ZNF433: variants seen among roughly 807,000 people sequenced by gnomAD.
The protein encoded by ZNF433 is zinc finger protein 433.
In ZNF433, 12 loss-of-function variants were observed where a neutral mutation model predicts 10.6. The observed-to-expected ratio is 1.13, with a 90% CI of 0.72 to 1.83. The LOEUF (loss-of-function observed/expected upper bound fraction) is 1.83, where lower values mean the gene tolerates loss of function less well. Among genes scored for constraint, ZNF433 ranks in the 40% most tolerant of loss-of-function variants. The pLI is 0.00. For synonymous variants in ZNF433, 272 were observed against 271.3 expected, an observed-to-expected ratio of 1.00 and a Z score of -0.02; for missense variants, 737 against 798.0, an observed-to-expected ratio of 0.92 and a Z score of 0.92.
At chr19:12,022,132 G>T in intron 1 of ZNF433, 1 of 422,786 alleles carries the variant, frequency 2.4e-6, no homozygotes, top group East Asian at 7.3e-5. Flanking sequence ...TTGGTTTACC[G>T]GAATGAAGGC....
Position 12,016,379 on chromosome 19 carries a change from GC to G in ZNF433, c.478del (p.Ala160LeufsTer28). 6.2e-7 allele frequency: 1 copy of G among 1,614,142 alleles called. No homozygotes were observed. The highest frequency in any genetic ancestry group is 8.5e-7 in the Non-Finnish European group (1 of 1,180,024). On this transcript the variant is annotated frameshift_variant, in exon 4 of 4. Coordinates refer to ENST00000550507, the MANE Select transcript of ZNF433 (RefSeq NM_001308348.2). LOFTEE classifies it low-confidence loss of function (END_TRUNC). The part of the protein sequence containing the change: ...CLSSVQTHER[A>X]HSGRKLYVCE... ...AACATAGAGTTTCCTTCCACTATGAGCCCTTTCATGTGTCTGAACAGAGGAG... is the reference window on the plus strand; with the variant it reads ...AACATAGAGTTTCCTTCCACTATGAGCCTTTCATGTGTCTGAACAGAGGAG...
In ZNF433 at chr19:12,016,373, C is replaced by T. The variant is rs771437839; in HGVS notation, c.485G>A (p.Ser162Asn). The T allele has an allele frequency of 4.3e-6, 7 of 1,614,156 alleles. No homozygotes were observed. The South Asian group carries it at 7.7e-5, about 18-fold the overall frequency. Reference protein sequence around the residue: ...SSVQTHERAHSGRKLYVCEEC... With the variant: ...SSVQTHERAHNGRKLYVCEEC... ...CTCACAAACATAGAGTTTCCTTCCA[C>T]TATGAGCCCTTTCATGTGTCTGAAC... is the stretch of plus-strand genomic sequence containing the variant. The change falls in exon 4 of 4, where the codon AGT (serine) becomes AAT (asparagine). Residue 162 changes from serine (S) to asparagine (N), a missense_variant. Coordinates refer to ENST00000550507, the MANE Select transcript of ZNF433 (RefSeq NM_001308348.2).
At position 12,035,021 on chromosome 19, in the gene ZNF433, A is replaced by G. The variant is rs1237633998; in HGVS notation, c.3+516T>C. 1.7e-5 allele frequency: 6 copies of G among 359,510 alleles called. No homozygotes were observed. In the East Asian group the frequency reaches 4.5e-4, roughly 27 times the overall value. The allele number at this position is 359,510 out of a possible 1,614,324, so 22.3% of individuals were successfully genotyped here. On this transcript the variant is annotated intron_variant, in intron 1 of 3. Transcript: ENST00000550507. ...TTTACACAGCTTGGCATTTTCCGTT[A>G]ACAAATTACAAGCCAGGACTGGGTG... is the stretch of plus-strand genomic sequence containing the variant.
rs563094941 is a variant in ZNF433 at position 12,032,483 on chromosome 19, C to T, written c.3+3054G>A. Among the ~76,000 whole-genome samples the T allele has an allele frequency of 2.5e-3, 354 of 144,290 alleles. 2 individuals are homozygous for T. The highest frequency in any genetic ancestry group is 9.7e-3 in the African/African-American group (339 of 34,922). The allele number at this position is 144,290 out of a possible 152,430, so 94.7% of individuals were successfully genotyped here. A position where few individuals can be genotyped will look rare whatever the true frequency, so the allele number is the denominator to read the frequency against. ...AGAAATGGAATATAAGACTAAATAG[C>T]GATTTTTTTTTTTTTTTTGAGATGG... On this transcript the variant is annotated intron_variant, in intron 1 of 3. Coordinates refer to ENST00000550507, the MANE Select transcript of ZNF433 (RefSeq NM_001308348.2).
At chr19:12,017,830 A>G (rs770115141) in intron 3 of ZNF433, 46 bp downstream of exon 3, 4 of 1,157,936 alleles carry the variant, frequency 3.5e-6, no homozygotes, top group Non-Finnish European at 3.7e-6. Context: ...CTCCCATTCT[A>G]AGATTTTCTA....
rs1490352804 is a variant in ZNF433 at position 12,015,561 on chromosome 19, G to C, written c.1297C>G (p.Leu433Val). ...TGAGTCCTACCATGTGTTTGAAGGA[G>C]TGAGGCAGATCTGAAGGCTTTCCCA... ...QCGKAFRSAS[L>V]LQTHGRTHTG... The change falls in exon 4 of 4, where the codon CTC becomes GTC. Residue 433 changes from leucine (L) to valine (V), a missense_variant. Transcript: ENST00000550507. The C allele has an allele frequency of 6.2e-7, 1 of 1,613,452 alleles. No individual in the cohort carries two copies. Among genetic ancestry groups the C allele is most frequent in the Admixed American group, 1.7e-5 (1 of 59,974 alleles).
At chr19:12,032,016 G>A (rs995958342) in intron 1 of ZNF433, among the ~76,000 whole-genome samples, 8 of 141,540 alleles carry the variant, frequency 5.7e-5, no homozygotes, top group African/African-American at 1.4e-4. Context: ...TCGGCTCACC[G>A]CAACCTCTGC....
rs778398857 is a variant in ZNF433 at position 12,014,894 on chromosome 19, G to A, written c.1964C>T (p.Ser655Phe). Residue 655 changes from serine (S) to phenylalanine (F), a missense_variant, in exon 4 of 4, where the codon TCT becomes TTT. Transcript: ENST00000550507. ...CNQCGKVFRC[S>F]SQLQVHGRAH... ...CCTTCCATGCACTTGAAGTTGTGAA[G>A]AACATCTAAAGACTTTACCACATTG... The A allele has an allele frequency of 6.2e-6, 10 of 1,611,478 alleles. No homozygotes were observed. The highest frequency in any genetic ancestry group is 4.0e-5 in the African/African-American group (3 of 74,872).
chr19:12,018,121 A>T lies in ZNF433; in HGVS notation c.130+45T>A, dbSNP rs778025685. ...TACTTGTTCTCAGAAAAAAAAAAAA[A>T]CTTGTTGTCTCATTTACTGAAGGAA... is the stretch of plus-strand genomic sequence containing the variant. On this transcript the variant is annotated intron_variant, in intron 2 of 3. Transcript: ENST00000550507. 5.2e-6 allele frequency: 8 copies of T among 1,525,764 alleles called. No individual in the cohort carries two copies. In the East Asian group the frequency reaches 1.6e-4, roughly 31 times the overall value. 94.5% of individuals were successfully genotyped at this position (1,525,764 alleles called of 1,614,324 possible).
chr19:12,026,682 CAGAAA>C, intron 1 of ZNF433: 1 of 454,014 alleles, frequency 2.2e-6, no homozygotes, highest in Non-Finnish European at 4.4e-6. Flanking sequence ...TGGACCTGGT[CAGAAA>C]AAATGAACGT....
intron 1 of ZNF433, chr19:12,024,430 C>G (rs1012251450): frequency 2.3e-4 from 35 of 152,212 alleles, no homozygotes; most frequent in African/African-American, 7.5e-4. Flanking sequence ...TGCCATAAGG[C>G]GTGTTAAACA....
intron 1 of ZNF433, chr19:12,023,538 T>C (rs1974597136): frequency 6.6e-6 from 1 of 152,166 alleles, no homozygotes; most frequent in Non-Finnish European, 1.5e-5. Context: ...ATCAAAGTAT[T>C]GATAAATGTC....
chr19:12,016,074 T>C lies in ZNF433; in HGVS notation c.784A>G (p.Ser262Gly). 5 of 1,613,690 alleles carry C rather than the reference T, an allele frequency of 3.1e-6. No individual in the cohort carries two copies. The highest frequency in any genetic ancestry group is 3.4e-6 in the Non-Finnish European group (4 of 1,179,884). The change falls in exon 4 of 4, where the codon AGT becomes GGT. Residue 262 changes from serine (S) to glycine (G), a missense_variant. Coordinates refer to ENST00000550507, the MANE Select transcript of ZNF433 (RefSeq NM_001308348.2). ...TTATGAGCATGAAGGCATGTGGAACTATGGAATGCTTTCCCACATTCATTA... is the reference window on the plus strand; with the variant it reads ...TTATGAGCATGAAGGCATGTGGAACCATGGAATGCTTTCCCACATTCATTA... ...KCNECGKAFH[S>G]STCLHAHKRT...
intron 3 of ZNF433, 60 bp downstream of exon 3, chr19:12,017,816 T>C: frequency 1.0e-6 from 1 of 982,432 alleles, no homozygotes. Flanking sequence ...TTTTTTAACA[T>C]TTTCTCCCAT....
intron 1 of ZNF433, chr19:12,025,408 G>A (rs1974687555): frequency 6.6e-6 from 1 of 152,170 alleles, no homozygotes; most frequent in Non-Finnish European, 1.5e-5. Flanking sequence ...TTAACTGAAG[G>A]GAATCAAATG....
chr19:12,030,315 G>C, intron 1 of ZNF433: 1 of 270,788 alleles, frequency 3.7e-6, no homozygotes, highest in Non-Finnish European at 7.3e-6. Context: ...CTGCCTCCCA[G>C]GTTGAAGTGA....
rs1389062099 is a variant in ZNF433 at position 12,016,354 on chromosome 19, A to G, written c.504T>C (p.Val168=). 6.2e-7 allele frequency: 1 copy of G among 1,614,022 alleles called. No individual in the cohort carries two copies. The highest frequency in any genetic ancestry group is 8.5e-7 in the Non-Finnish European group (1 of 1,179,984). ...TAAATGTTTTTCCGCATTCCTCACA[A>G]ACATAGAGTTTCCTTCCACTATGAG... ...ERAHSGRKLY[V]CEECGKTFIS... is the part of the protein sequence containing the mutation. The change falls in exon 4 of 4, where the codon GTT becomes GTC. Residue 168 remains valine (V), a synonymous_variant. Transcript: ENST00000550507.
chr19:12,023,341 C>G (rs1340177293), intron 1 of ZNF433: 1 of 152,186 alleles, frequency 6.6e-6, no homozygotes, highest in Non-Finnish European at 1.5e-5. Flanking sequence ...CAAGTACATA[C>G]AGGAGTCACT....
intron 1 of ZNF433, chr19:12,034,808 T>C (rs1308605172): frequency 2.2e-6 from 1 of 450,074 alleles, no homozygotes; most frequent in South Asian, 1.6e-5. Context: ...GGTCCCGCCC[T>C]TTCTGCCAAA....
Sources: gnomAD v4.1 joint callset for allele counts (sites outside exome capture counted in the v4.1 genomes callset) on GRCh38, gnomAD v4.1.1 for gene constraint, MANE v1.5 for transcripts, NCBI Gene and HGNC (gene_info 2026-07-23, HGNC 2026-07-21) for gene names.